HSD17B11: variants seen among roughly 807,000 people sequenced by gnomAD.
The protein encoded by HSD17B11 is estradiol 17-beta-dehydrogenase 11.
A neutral mutation model predicts 27.8 loss-of-function variants in HSD17B11; 22 were observed. That is an observed-to-expected ratio of 0.79 (90% CI 0.56 to 1.13). The LOEUF (loss-of-function observed/expected upper bound fraction) is 1.13, where lower values mean the gene tolerates loss of function less well. Among genes scored for constraint, HSD17B11 ranks in the 50% most tolerant of loss-of-function variants. HSD17B11 has a pLI of 0.00. For synonymous variants in HSD17B11, 117 were observed against 132.8 expected (o/e 0.88, Z 0.82); for missense variants, 314 against 351.1 (o/e 0.89, Z 0.84).
intron 2 of HSD17B11, 69 bp from the exon 3 acceptor site, chr4:87,374,899 ATTT>A: frequency 6.3e-6 from 6 of 951,890 alleles, no homozygotes; most frequent in Middle Eastern, 3.8e-4. Context: ...CACAATGGCT[ATTT>A]TTTTTTTTTG....
chr4:87,388,298 G>A (rs1720371724), intron 1 of HSD17B11, among the ~76,000 whole-genome samples: 1 of 151,988 alleles, frequency 6.6e-6, no homozygotes, highest in Non-Finnish European at 1.5e-5. Context: ...TACTAAGTCT[G>A]CAAAATCCAG....
chr4:87,380,863 CAAAAAAAAAAAA>C (rs561938045), intron 2 of HSD17B11, among the ~76,000 whole-genome samples: 2,579 of 74,744 alleles, frequency 0.035, 73 homozygotes, highest in African/African-American at 0.094. Flanking sequence ...GACTCTATCT[CAAAAAAAAAAAA>C]AAAAAAAAAA....
intron 5 of HSD17B11, among the ~76,000 whole-genome samples, chr4:87,347,059 A>G (rs184294687): frequency 1.4e-5 from 2 of 148,042 alleles, no homozygotes; most frequent in East Asian, 4.0e-4. Flanking sequence ...TGGGAGCAAT[A>G]GCATCTCCTA....
intron 6 of HSD17B11, among the ~76,000 whole-genome samples, chr4:87,339,073 T>G (rs1038749489): frequency 6.6e-6 from 1 of 152,358 alleles, no homozygotes; most frequent in Non-Finnish European, 1.5e-5. Flanking sequence ...ACAAACATTT[T>G]GGTGCCTCTA....
chr4:87,387,872 G>A (rs185209505), intron 1 of HSD17B11, among the ~76,000 whole-genome samples: 35 of 152,062 alleles, frequency 2.3e-4, no homozygotes, highest in African/African-American at 6.5e-4. Flanking sequence ...CTGCCAACCC[G>A]GTTCAATAGT....
intron 4 of HSD17B11, among the ~76,000 whole-genome samples, chr4:87,364,171 T>A (rs74817712): frequency 0.033 from 4,949 of 151,454 alleles, 270 homozygotes; most frequent in African/African-American, 0.11. Flanking sequence ...TTGTTTTGTC[T>A]TGTTACTATT....
At chr4:87,368,964 G>T (rs1165526287) in intron 4 of HSD17B11, among the ~76,000 whole-genome samples, 1 of 152,128 alleles carries the variant, frequency 6.6e-6, no homozygotes, top group Non-Finnish European at 1.5e-5. Context: ...CTATGGAGTA[G>T]CCATTCTTTT....
rs140823283 is a variant in HSD17B11 at position 87,344,461 on chromosome 4, G to C, written c.696-3855C>G. On this transcript the variant is annotated intron_variant, in intron 5 of 6. Transcript: ENST00000358290. ...AAAAACATTTAACTAAAAATTGCTT[G>C]TGTAGCTAACAAGAGATCCCAAAAT... Among the ~76,000 whole-genome samples, 111 of 152,288 alleles carry C rather than the reference G, an allele frequency of 7.3e-4. 1 individual carries two copies. The East Asian group carries it at 0.02, about 28-fold the overall frequency.
At chr4:87,354,556 A>G (rs540198653) in intron 5 of HSD17B11, among the ~76,000 whole-genome samples, 1 of 151,944 alleles carries the variant, frequency 6.6e-6, no homozygotes, top group South Asian at 2.1e-4. Context: ...ATGTGGGAGA[A>G]TAGGTTGAGC....
chr4:87,344,226 C>T (rs1453180451), intron 5 of HSD17B11, among the ~76,000 whole-genome samples: 1 of 152,230 alleles, frequency 6.6e-6, no homozygotes, highest in South Asian at 2.1e-4. Flanking sequence ...GTGACACACA[C>T]ATACAAACTC....
At chr4:87,380,275 C>T (rs1240234366) in intron 2 of HSD17B11, among the ~76,000 whole-genome samples, 1 of 150,830 alleles carries the variant, frequency 6.6e-6, no homozygotes, top group African/African-American at 2.4e-5. Flanking sequence ...GAGATCGAGA[C>T]CATCCTGGCT....
At position 87,380,867 on chromosome 4, in the gene HSD17B11, A is replaced by C. The variant is rs1220140415; in HGVS notation, c.318+1388T>G. Among the ~76,000 whole-genome samples the C allele has an allele frequency of 1.6e-4, 4 of 24,374 alleles. No homozygotes were observed. The Admixed American group carries it at 1.9e-3, about 12-fold the overall frequency. 16.0% of individuals were successfully genotyped at this position (24,374 alleles called of 152,430 possible). On this transcript the variant is annotated intron_variant, in intron 2 of 6. Coordinates refer to ENST00000358290, the MANE Select transcript of HSD17B11 (RefSeq NM_016245.5). ...AGCTAGAGCTAGACTCTATCTCAAA[A>C]AAAAAAAAAAAAAAAAAAAAAAAAG...
intron 5 of HSD17B11, among the ~76,000 whole-genome samples, chr4:87,355,450 A>G (rs1735365913): frequency 6.6e-6 from 1 of 152,172 alleles, no homozygotes; most frequent in East Asian, 1.9e-4. Flanking sequence ...AGTCCATGAG[A>G]AAAAAATCCC....
intron 1 of HSD17B11, among the ~76,000 whole-genome samples, chr4:87,383,485 G>T (rs1430648933): frequency 6.6e-6 from 1 of 152,138 alleles, no homozygotes; most frequent in Non-Finnish European, 1.5e-5. Flanking sequence ...TATATGTTTA[G>T]AAGGTAAAAT....
chr4:87,361,970 C>G (rs184023527), intron 4 of HSD17B11, among the ~76,000 whole-genome samples: 1 of 152,264 alleles, frequency 6.6e-6, no homozygotes, highest in East Asian at 1.9e-4. Flanking sequence ...TAACATATTT[C>G]TGGCAGACCA....
intron 3 of HSD17B11, chr4:87,373,066 G>A (rs1735751674): frequency 2.5e-6 from 1 of 400,038 alleles, no homozygotes; most frequent in Non-Finnish European, 4.5e-6. Context: ...TCAGCCAGGT[G>A]TGGTGGCTCA....
In HSD17B11 at chr4:87,384,848, C is replaced by T. The variant is rs10029525; in HGVS notation, c.211-2486G>A. On this transcript the variant is annotated intron_variant, in intron 1 of 6. Coordinates refer to ENST00000358290, the MANE Select transcript of HSD17B11 (RefSeq NM_016245.5). ...CCCTTTGAAGCATGTGATCTTTGTA[C>T]CTACTCCCTGTTCTTACACCCCCAC... Among the ~76,000 whole-genome samples, 459 of 152,092 alleles carry T rather than the reference C, an allele frequency of 3.0e-3. 1 individual carries two copies. Among genetic ancestry groups the T allele is most frequent in the African/African-American group, 0.01 (433 of 41,412 alleles).
At chr4:87,337,988 C>T (rs1171751048) in intron 6 of HSD17B11, among the ~76,000 whole-genome samples, 4 of 152,120 alleles carry the variant, frequency 2.6e-5, no homozygotes, top group East Asian at 3.9e-4. Flanking sequence ...GAGGCAGAGG[C>T]GGGTGGATCA....
At chr4:87,338,906 T>G (rs1560756704) in intron 6 of HSD17B11, among the ~76,000 whole-genome samples, 2 of 152,200 alleles carry the variant, frequency 1.3e-5, no homozygotes, top group African/African-American at 2.4e-5. Context: ...TTTCTCCATG[T>G]TACAGATAAA....
Sources: gnomAD v4.1 joint callset for allele counts (sites outside exome capture counted in the v4.1 genomes callset) on GRCh38, gnomAD v4.1.1 for gene constraint, MANE v1.5 for transcripts, NCBI Gene and HGNC (gene_info 2026-07-23, HGNC 2026-07-21) for gene names.